The following EXOC6B variants were observed in gnomAD, a reference collection of about 807,000 sequenced individuals.
The protein encoded by EXOC6B is SEC15 homolog B.
Under a neutral mutation model 113.5 loss-of-function variants are expected in EXOC6B, and 54 were observed. The observed-to-expected ratio is 0.48, with a 90% confidence interval of 0.38 to 0.60. The LOEUF is 0.60. EXOC6B is among the 20% of genes least tolerant of loss of function. The pLI is 0.00. For synonymous variants in EXOC6B, 357 were observed against 339.0 expected (o/e 1.05, Z -0.58); for missense variants, 797 against 977.5 (o/e 0.82, Z 2.46).
chr2:72,433,453 G>A (rs769254296), intron 18 of EXOC6B, among the ~76,000 whole-genome samples: 1 of 152,194 alleles, frequency 6.6e-6, no homozygotes, highest in Non-Finnish European at 1.5e-5. Flanking sequence ...AAAGTCAGTG[G>A]TAGCTTGATG....
chr2:72,531,798 A>T lies in EXOC6B; in HGVS notation c.916-16672T>A, dbSNP rs1217821212. ...CAGGAGTTCAAGACAAGCCTGGCCAACATGGTGAAACCCTGTCTCTACTAA... is the reference window on the plus strand; with the variant it reads ...CAGGAGTTCAAGACAAGCCTGGCCATCATGGTGAAACCCTGTCTCTACTAA... On this transcript the variant is annotated intron_variant, in intron 8 of 21. Coordinates refer to ENST00000272427, the MANE Select transcript of EXOC6B (RefSeq NM_015189.3). Among the ~76,000 whole-genome samples, 3 of 152,138 alleles carry T rather than the reference A, an allele frequency of 2.0e-5. No individual in the cohort carries two copies. In the East Asian group the frequency reaches 5.8e-4, roughly 29 times the overall value.
chr2:72,319,738 A>G (rs997838485), intron 20 of EXOC6B, among the ~76,000 whole-genome samples: 1 of 152,244 alleles, frequency 6.6e-6, no homozygotes, highest in African/African-American at 2.4e-5. Context: ...ATAAATGAAC[A>G]CAGAACTGTG....
chr2:72,541,702 T>C (rs1011909963), intron 8 of EXOC6B, among the ~76,000 whole-genome samples: 9 of 152,204 alleles, frequency 5.9e-5, no homozygotes, highest in African/African-American at 2.2e-4. Flanking sequence ...AATATGAATA[T>C]GTGGTGAGGA....
intron 1 of EXOC6B, among the ~76,000 whole-genome samples, chr2:72,794,619 T>C (rs1210354662): frequency 2.6e-5 from 4 of 152,236 alleles, no homozygotes; most frequent in Non-Finnish European, 5.9e-5. Context: ...TTCATTGTTA[T>C]TTGATAAATG....
chr2:72,822,272 T>A lies in EXOC6B; in HGVS notation c.113+3526A>T, dbSNP rs554360828. 5.1e-4 allele frequency among the ~76,000 whole-genome samples: 77 copies of A among 152,350 alleles called. 1 individual carries two copies. The South Asian group carries it at 0.015, about 30-fold the overall frequency. On this transcript the variant is annotated intron_variant, in intron 1 of 21. Transcript: ENST00000272427. ...GGCAGGCTTTAACATCTTACAGGCCTCTTTCCAAAATTAGGACTCACAGAT... is the reference window on the plus strand; with the variant it reads ...GGCAGGCTTTAACATCTTACAGGCCACTTTCCAAAATTAGGACTCACAGAT...
At chr2:72,318,816 T>A (rs557507154) in intron 20 of EXOC6B, among the ~76,000 whole-genome samples, 2 of 151,976 alleles carry the variant, frequency 1.3e-5, no homozygotes, top group Non-Finnish European at 2.9e-5. Context: ...CTGAGATTCA[T>A]GGGCCATTTA....
chr2:72,275,795 T>C (rs1684776224), intron 20 of EXOC6B, among the ~76,000 whole-genome samples: 1 of 152,152 alleles, frequency 6.6e-6, no homozygotes, highest in Admixed American at 6.6e-5. Flanking sequence ...TTAATTATAA[T>C]TTCATTTTCA....
chr2:72,622,170 A>G (rs1671787674), intron 6 of EXOC6B, among the ~76,000 whole-genome samples: 1 of 151,508 alleles, frequency 6.6e-6, no homozygotes, highest in South Asian at 2.1e-4. Flanking sequence ...TTCATATTAC[A>G]CACATGAAGT....
At chr2:72,652,988 T>C (rs907306992) in intron 6 of EXOC6B, among the ~76,000 whole-genome samples, 3 of 151,816 alleles carry the variant, frequency 2.0e-5, no homozygotes, top group East Asian at 3.9e-4. Flanking sequence ...TATATATATT[T>C]TTTTTAATTT....
At chr2:72,509,424 C>T (rs1573289114) in intron 11 of EXOC6B, among the ~76,000 whole-genome samples, 2 of 152,054 alleles carry the variant, frequency 1.3e-5, no homozygotes, top group East Asian at 3.9e-4. Context: ...TAAAGAGAGT[C>T]CAATCTCATA....
At chr2:72,424,604 T>TA (rs1160652119) in intron 18 of EXOC6B, among the ~76,000 whole-genome samples, 6 of 152,176 alleles carry the variant, frequency 3.9e-5, no homozygotes, top group Admixed American at 2.0e-4. Context: ...GCTGATTTTT[T>TA]AAAAACGTAT....
intron 18 of EXOC6B, among the ~76,000 whole-genome samples, chr2:72,414,254 C>A (rs1392250495): frequency 6.6e-6 from 1 of 152,198 alleles, no homozygotes; most frequent in Admixed American, 6.5e-5. Context: ...AGGCTCTGCA[C>A]TGAGTATTCT....
intron 6 of EXOC6B, among the ~76,000 whole-genome samples, chr2:72,669,347 C>T (rs1287294932): frequency 1.3e-5 from 2 of 149,840 alleles, no homozygotes; most frequent in African/African-American, 4.9e-5. Flanking sequence ...AGATGATTCA[C>T]TTAAAAAAAA....
At chr2:72,533,881 T>A (rs559051066) in intron 8 of EXOC6B, among the ~76,000 whole-genome samples, 8 of 152,132 alleles carry the variant, frequency 5.3e-5, no homozygotes, top group Non-Finnish European at 1.0e-4. Flanking sequence ...GAAACATCAA[T>A]GATACTATAA....
At chr2:72,629,792 T>C (rs571800825) in intron 6 of EXOC6B, among the ~76,000 whole-genome samples, 7 of 152,222 alleles carry the variant, frequency 4.6e-5, no homozygotes, top group African/African-American at 1.4e-4. Context: ...ACCTTCCAAT[T>C]TGTAAATGCA....
intron 6 of EXOC6B, among the ~76,000 whole-genome samples, chr2:72,708,065 T>A (rs889689798): frequency 1.3e-5 from 2 of 151,730 alleles, no homozygotes; most frequent in African/African-American, 4.8e-5. Flanking sequence ...AAAAAAAAAA[T>A]TTAGAAAATA....
Position 72,673,031 on chromosome 2 carries a change from A to C in EXOC6B, c.669+45072T>G, listed in dbSNP as rs1457904457. Among the ~76,000 whole-genome samples, 3 of 152,350 alleles carry C rather than the reference A, an allele frequency of 2.0e-5. No homozygotes were observed. In the East Asian group the frequency reaches 5.8e-4, roughly 29 times the overall value. The stretch of plus-strand genomic sequence containing the variant: ...GATTATATGAATGTATCAAATTATC[A>C]CATATACCCTGAAAATATGTGCATA... On this transcript the variant is annotated intron_variant, in intron 6 of 21. Transcript: ENST00000272427.
At chr2:72,418,836 T>C (rs1463369012) in intron 18 of EXOC6B, among the ~76,000 whole-genome samples, 2 of 152,218 alleles carry the variant, frequency 1.3e-5, no homozygotes, top group Non-Finnish European at 2.9e-5. Context: ...AGGGACTTTC[T>C]TTTGTCATTT....
intron 6 of EXOC6B, among the ~76,000 whole-genome samples, chr2:72,678,523 T>C (rs1033617487): frequency 6.6e-6 from 1 of 152,202 alleles, no homozygotes; most frequent in African/African-American, 2.4e-5. Flanking sequence ...TTGGCCAACA[T>C]GGCGAAACCC....
Sources: allele counts gnomAD v4.1 joint callset (sites outside exome capture counted in the v4.1 genomes callset), GRCh38; gene constraint gnomAD v4.1.1; transcripts MANE v1.5; gene names NCBI Gene and HGNC (gene_info 2026-07-23, HGNC 2026-07-21).